Variants in KIAA1217 observed in about 807,000 individuals in gnomAD.
The protein encoded by KIAA1217 is sickle tail protein homolog.
A neutral mutation model predicts 163.9 loss-of-function variants in KIAA1217; 88 were observed. That is an observed-to-expected ratio of 0.54 (90% CI 0.45 to 0.64). The LOEUF (loss-of-function observed/expected upper bound fraction) is 0.64. KIAA1217 is among the 30% of genes least tolerant of loss of function. The pLI, the probability that KIAA1217 is intolerant of heterozygous loss-of-function variation, is 0.00. For missense variants in KIAA1217, 2,372 were observed against 2,475.0 expected (o/e 0.96, Z 0.88); for synonymous variants, 903 against 923.1 (o/e 0.98, Z 0.39).
intron 1 of KIAA1217, among the ~76,000 whole-genome samples, chr10:23,915,207 C>A (rs1196199639): frequency 6.6e-6 from 1 of 152,056 alleles, no homozygotes; most frequent in Non-Finnish European, 1.5e-5. Flanking sequence ...GTCAATGCTA[C>A]AAAGAGGTCA....
At chr10:23,824,520 CA>C (rs1394822535) in intron 1 of KIAA1217, among the ~76,000 whole-genome samples, 1 of 145,012 alleles carries the variant, frequency 6.9e-6, no homozygotes, top group Non-Finnish European at 1.5e-5. Flanking sequence ...CCCAGCTACT[CA>C]GGAGGCTGAG....
At chr10:24,521,664 T>G in intron 11 of KIAA1217, 118 bp from the exon 12 acceptor site, 2 of 1,228,778 alleles carry the variant, frequency 1.6e-6, no homozygotes, top group South Asian at 2.8e-5. Flanking sequence ...CCTGAAGATG[T>G]GTGAGCCACC....
intron 1 of KIAA1217, among the ~76,000 whole-genome samples, chr10:23,955,603 G>C (rs560870216): frequency 1.3e-5 from 2 of 152,274 alleles, no homozygotes; most frequent in East Asian, 3.9e-4. Context: ...TAGCTGGTAG[G>C]TCGTCTGCCC....
At chr10:24,417,528 CCT>C (rs1564642586) in intron 3 of KIAA1217, among the ~76,000 whole-genome samples, 2 of 152,112 alleles carry the variant, frequency 1.3e-5, no homozygotes, top group African/African-American at 4.8e-5. Context: ...AAAATATTCC[CCT>C]GAGCTGCTAG....
chr10:23,994,721 T>C (rs1846388501), intron 1 of KIAA1217, among the ~76,000 whole-genome samples: 2 of 152,198 alleles, frequency 1.3e-5, no homozygotes, highest in Non-Finnish European at 2.9e-5. Flanking sequence ...ATCCGAACCA[T>C]ACAACTTTTC....
At position 23,940,050 on chromosome 10, in the gene KIAA1217, T is replaced by G. The variant is rs77655686; in HGVS notation, c.-320-67175T>G. On this transcript the variant is annotated intron_variant, in intron 1 of 18. Coordinates refer to the KIAA1217 transcript ENST00000376462. ...AGTATCACTAAGTATAAGAGGTTTA[T>G]TTTTTAATGATAAATGGATCAATCA... Among the ~76,000 whole-genome samples, 1,280 of 152,030 alleles carry G rather than the reference T, an allele frequency of 8.4e-3. 19 individuals carry two copies. Among genetic ancestry groups the G allele is most frequent in the African/African-American group, 0.028 (1,149 of 41,516 alleles).
intron 1 of KIAA1217, among the ~76,000 whole-genome samples, chr10:23,956,373 C>T (rs376497149): frequency 6.6e-6 from 1 of 152,042 alleles, no homozygotes; most frequent in East Asian, 1.9e-4. Context: ...TGCTAGCTGT[C>T]CTTGGTGACT....
At chr10:24,035,804 A>G (rs1220014655) in intron 2 of KIAA1217, among the ~76,000 whole-genome samples, 1 of 152,256 alleles carries the variant, frequency 6.6e-6, no homozygotes, top group East Asian at 1.9e-4. Flanking sequence ...TGTGCTGCCA[A>G]AAAAGCGAAG....
chr10:24,264,966 T>A (rs905687784), intron 2 of KIAA1217, among the ~76,000 whole-genome samples: 1 of 152,078 alleles, frequency 6.6e-6, no homozygotes, highest in African/African-American at 2.4e-5. Context: ...TCCTCCCACC[T>A]CAACCTCCTG....
chr10:23,992,846 G>A (rs1846278119), intron 1 of KIAA1217, among the ~76,000 whole-genome samples: 1 of 151,698 alleles, frequency 6.6e-6, no homozygotes, highest in South Asian at 2.1e-4. Flanking sequence ...CACAAATGGA[G>A]TGTGAGGGTG....
chr10:24,414,840 GAACTTC>G (rs367816591), intron 3 of KIAA1217, among the ~76,000 whole-genome samples: 16 of 152,294 alleles, frequency 1.1e-4, no homozygotes, highest in African/African-American at 3.9e-4. Context: ...GGCAGCGCCA[GAACTTC>G]AAAAGGAAAT....
chr10:24,419,808 C>G (rs2058585315), intron 3 of KIAA1217, among the ~76,000 whole-genome samples: 1 of 152,038 alleles, frequency 6.6e-6, no homozygotes. Context: ...ACTATGCTCA[C>G]AATGTATATT....
At chr10:24,364,841 G>A (rs1180821638) in intron 2 of KIAA1217, among the ~76,000 whole-genome samples, 2 of 151,426 alleles carry the variant, frequency 1.3e-5, no homozygotes, top group Admixed American at 1.3e-4. Context: ...CCAAGCTGGA[G>A]TACGTTGGTG....
intron 1 of KIAA1217, among the ~76,000 whole-genome samples, chr10:23,887,978 G>A (rs1203996617): frequency 1.3e-5 from 2 of 151,792 alleles, no homozygotes; most frequent in Admixed American, 6.6e-5. Flanking sequence ...CATAAATTTT[G>A]ATACATTACT....
intron 2 of KIAA1217, among the ~76,000 whole-genome samples, chr10:24,114,008 C>T (rs1000886971): frequency 6.6e-6 from 1 of 152,160 alleles, no homozygotes; most frequent in South Asian, 2.1e-4. Flanking sequence ...ATAAAGCTGG[C>T]CCCAGCTGTT....
At chr10:24,141,236 C>CT (rs1491471026) in intron 2 of KIAA1217, among the ~76,000 whole-genome samples, 41 of 135,566 alleles carry the variant, frequency 3.0e-4, no homozygotes, top group African/African-American at 9.9e-4. Context: ...CCCCCCCCCC[C>CT]CATTTCTCTC....
chr10:24,287,617 A>G (rs1368462388), intron 2 of KIAA1217, among the ~76,000 whole-genome samples: 2 of 152,216 alleles, frequency 1.3e-5, no homozygotes, highest in African/African-American at 4.8e-5. Context: ...TGCTGTGAGT[A>G]TGGAAATGAA....
rs1564836093 is a variant in KIAA1217, at chr10:24,211,551, TATTGTATTGTATTG to T, written c.70+2289_70+2302del. The stretch of plus-strand genomic sequence containing the variant: ...TGCATGGTTGTATTGTATTGTATTG[TATTGTATTGTATTG>T]TATTGTATTGTATTGTATTGTATTG... On this transcript the variant is annotated intron_variant, in intron 1 of 20. Transcript: ENST00000376454. Among the ~76,000 whole-genome samples, 296 of 59,832 alleles carry T rather than the reference TATTGTATTGTATTG, an allele frequency of 4.9e-3. 6 individuals carry two copies. Among genetic ancestry groups the T allele is most frequent in the Middle Eastern group, 0.015 (1 of 68 alleles). The allele number at this position is 59,832 out of a possible 152,430, so 39.3% of individuals were successfully genotyped here.
chr10:23,767,943 C>T (rs1038375642), intron 1 of KIAA1217, among the ~76,000 whole-genome samples: 3 of 152,156 alleles, frequency 2.0e-5, no homozygotes. Context: ...TTGGGCAGTA[C>T]ACGCTGGGTC....
Sources: gnomAD v4.1 joint callset for allele counts (sites outside exome capture counted in the v4.1 genomes callset) on GRCh38, gnomAD v4.1.1 for gene constraint, MANE v1.5 for transcripts, NCBI Gene and HGNC (gene_info 2026-07-23, HGNC 2026-07-21) for gene names.